PCGF6: variants seen among roughly 807,000 people sequenced by gnomAD.
The protein encoded by PCGF6 is polycomb group RING finger protein 6.
PCGF6 carries 24 observed loss-of-function variants against 45.5 expected under a neutral mutation model. The observed-to-expected ratio is 0.53, with a 90% CI of 0.38 to 0.74. The LOEUF (loss-of-function observed/expected upper bound fraction) is 0.74. PCGF6 is among the 30% of genes least tolerant of loss of function. The pLI, the probability that PCGF6 is intolerant of heterozygous loss-of-function variation, is 0.00. For synonymous variants in PCGF6, 152 were observed against 162.1 expected (o/e 0.94, Z 0.47); for missense variants, 356 against 443.2 (o/e 0.80, Z 1.77).
At position 103,337,987 on chromosome 10, in the gene PCGF6, CCGGGAGGCGGAG is replaced by C. The variant is rs1354459899; in HGVS notation, c.783-4047_783-4036del. On this transcript the variant is annotated intron_variant, in intron 6 of 9. Coordinates refer to ENST00000369847, the MANE Select transcript of PCGF6 (RefSeq NM_001011663.2). ...GCTGAGGCAGGAGAATGGCGTGAAC[CCGGGAGGCGGAG>C]CTTGCAGTGAGCCGAGATCCCGCCA... Among the ~76,000 whole-genome samples, 21 of 56,878 alleles carry C rather than the reference CCGGGAGGCGGAG, an allele frequency of 3.7e-4. 9 individuals are homozygous for C. The highest frequency in any genetic ancestry group is 5.9e-4 in the Non-Finnish European group (15 of 25,572). The allele number at this position is 56,878 out of a possible 152,430, so 37.3% of individuals were successfully genotyped here. A position where few individuals can be genotyped will look rare whatever the true frequency, so the allele number is the denominator to read the frequency against.
rs368134765 is a variant in PCGF6 at position 103,326,521 on chromosome 10, A to G, written c.909+13T>C. 1.3e-4 allele frequency: 200 copies of G among 1,570,860 alleles called. No individual in the cohort carries two copies. The highest frequency in any genetic ancestry group is 1.6e-4 in the Non-Finnish European group (188 of 1,151,732). On this transcript the variant is annotated intron_variant, in intron 8 of 9. Coordinates refer to ENST00000369847, the MANE Select transcript of PCGF6 (RefSeq NM_001011663.2). ...CACAACTTTACCTATTCTTTTACAT[A>G]TATGTACTGTACCTGACAAGCTGGA... is the stretch of plus-strand genomic sequence containing the variant.
intron 9 of PCGF6, among the ~76,000 whole-genome samples, chr10:103,308,692 T>TCTCTACAA (rs1233580551): frequency 1.3e-5 from 2 of 151,806 alleles, no homozygotes; most frequent in African/African-American, 4.8e-5. Flanking sequence ...GGCAACATGG[T>TCTCTACAA]AAAACCCCAT....
intron 9 of PCGF6, 64 bp downstream of exon 9, chr10:103,314,122 T>G: frequency 2.1e-6 from 2 of 932,896 alleles, no homozygotes; most frequent in African/African-American, 1.7e-5. Context: ...GAAAACTTAC[T>G]GATAACATGG....
chr10:103,341,927 A>C (rs937527236), intron 6 of PCGF6, among the ~76,000 whole-genome samples: 2 of 151,586 alleles, frequency 1.3e-5, no homozygotes, highest in African/African-American at 2.4e-5. Flanking sequence ...TCCTAGGGGC[A>C]CTGCCATTAA....
chr10:103,305,597 C>T lies in PCGF6; in HGVS notation c.997-1636G>A, dbSNP rs537426098. ...TAGACTTCTTAATAGACTATTTAAG[C>T]ATTAGATTCTCCTAAAAAAGACTCA... On this transcript the variant is annotated intron_variant, in intron 9 of 9. Transcript: ENST00000369847. 5.9e-5 allele frequency among the ~76,000 whole-genome samples: 9 copies of T among 152,090 alleles called. No homozygotes were observed. In the South Asian group the frequency reaches 1.9e-3, roughly 32 times the overall value.
chr10:103,331,415 G>A (rs1420381579), intron 7 of PCGF6, among the ~76,000 whole-genome samples: 5 of 151,972 alleles, frequency 3.3e-5, no homozygotes, highest in Admixed American at 6.6e-5. Flanking sequence ...CCACCACCAC[G>A]CCTGGCTAAT....
intron 6 of PCGF6, among the ~76,000 whole-genome samples, chr10:103,344,396 C>T (rs1323336635): frequency 2.6e-5 from 4 of 151,912 alleles, no homozygotes; most frequent in East Asian, 1.9e-4. Context: ...CTCAGCCTCC[C>T]GAGTAGCTGG....
At position 103,326,551 on chromosome 10, in the gene PCGF6, G is replaced by C; in HGVS notation, c.892C>G (p.Leu298Val). ...TACTGTACCTGACAAGCTGGATCAA[G>C]ACCCATTTTTCTTCTGAGGAATTTT... is the stretch of plus-strand genomic sequence containing the variant. The part of the protein sequence containing the change: ...VEKFLRRKMG[L>V]DPACQVDIIC... The change falls in exon 8 of 10, where the codon CTT becomes GTT. Residue 298 changes from leucine (L) to valine (V), a missense_variant. Leu to Val is a conservative substitution (Grantham distance 32). This residue lies in a region of PCGF6 where 49 missense variants were observed against 93.0 expected (regional missense o/e 0.53). Coordinates refer to ENST00000369847, the MANE Select transcript of PCGF6 (RefSeq NM_001011663.2). 6.2e-7 allele frequency: 1 copy of C among 1,611,210 alleles called. No individual in the cohort carries two copies. The highest frequency in any genetic ancestry group is 8.5e-7 in the Non-Finnish European group (1 of 1,179,220).
chr10:103,328,553 T>G (rs957597011), intron 7 of PCGF6, among the ~76,000 whole-genome samples: 2 of 152,168 alleles, frequency 1.3e-5, no homozygotes, highest in Non-Finnish European at 2.9e-5. Flanking sequence ...GTTCCTGAAC[T>G]TGTCTGTGTC....
intron 7 of PCGF6, among the ~76,000 whole-genome samples, chr10:103,333,104 G>A (rs563507928): frequency 6.9e-6 from 1 of 144,334 alleles, no homozygotes; most frequent in South Asian, 2.2e-4. Context: ...GGGCAACAGA[G>A]GAAGACTCCA....
intron 6 of PCGF6, among the ~76,000 whole-genome samples, chr10:103,336,229 G>A (rs543880446): frequency 3.4e-4 from 51 of 148,602 alleles, no homozygotes; most frequent in East Asian, 2.6e-3. Context: ...GTGAGACTGC[G>A]TCTCCAAAAA....
chr10:103,350,870 G>A lies in PCGF6; in HGVS notation c.197C>T (p.Pro66Leu), dbSNP rs1303903766. ...TCTGAAGCGGCCCAGGCTGCGCTCCGGCTCCAGCTCAGGGGGCCGGGAGCC... is the reference window on the plus strand; with the variant it reads ...TCTGAAGCGGCCCAGGCTGCGCTCCAGCTCCAGCTCAGGGGGCCGGGAGCC... Reference protein sequence around the residue: ...CSGSRPPELEPERSLGRFRGR... With the variant: ...CSGSRPPELELERSLGRFRGR... Residue 66 changes from proline to leucine, a missense_variant, in exon 1 of 10, where the codon CCG becomes CTG. This residue lies in a region of PCGF6 where 307 missense variants were observed against 350.1 expected (regional missense o/e 0.88). Coordinates refer to ENST00000369847, the MANE Select transcript of PCGF6 (RefSeq NM_001011663.2). The A allele has an allele frequency of 1.3e-6, 2 of 1,538,504 alleles. No individual in the cohort carries two copies. The highest frequency in any genetic ancestry group is 4.0e-5 in the Admixed American group (2 of 50,316).
intron 1 of PCGF6, among the ~76,000 whole-genome samples, chr10:103,350,114 G>T (rs1230264212): frequency 3.4e-5 from 5 of 146,738 alleles, no homozygotes; most frequent in Non-Finnish European, 7.7e-5. Flanking sequence ...AAAACAAAAG[G>T]ATCTTTACTG....
intron 5 of PCGF6, among the ~76,000 whole-genome samples, chr10:103,346,724 G>A (rs1024397574): frequency 6.6e-6 from 1 of 152,204 alleles, no homozygotes; most frequent in Non-Finnish European, 1.5e-5. Context: ...AAACCCAGAA[G>A]GTGGAGGTTG....
At chr10:103,339,030 G>A (rs905529049) in intron 6 of PCGF6, among the ~76,000 whole-genome samples, 1 of 152,124 alleles carries the variant, frequency 6.6e-6, no homozygotes, top group Admixed American at 6.6e-5. Flanking sequence ...GCTTCCATCA[G>A]ACTAAAACTC....
chr10:103,329,674 T>C (rs892801186), intron 7 of PCGF6, among the ~76,000 whole-genome samples: 2 of 151,714 alleles, frequency 1.3e-5, no homozygotes, highest in Non-Finnish European at 2.9e-5. Flanking sequence ...GGTTTCACCA[T>C]GTTGGCCAGG....
At chr10:103,303,988 T>C (rs539567818) in intron 9 of PCGF6, 27 bp from the exon 10 acceptor site, 310 of 1,593,318 alleles carry the variant, frequency 1.9e-4, no homozygotes, top group Non-Finnish European at 2.6e-4. Context: ...AAAAGACGAT[T>C]TTGCAGTTCT....
intron 9 of PCGF6, among the ~76,000 whole-genome samples, chr10:103,308,889 T>C (rs2093146863): frequency 6.6e-6 from 1 of 151,670 alleles, no homozygotes; most frequent in Non-Finnish European, 1.5e-5. Context: ...AATAAATAAA[T>C]AAATAAAAAT....
intron 6 of PCGF6, among the ~76,000 whole-genome samples, chr10:103,339,813 ACACACACACACACAC>A (rs2093273126): frequency 1.1e-3 from 19 of 16,940 alleles, no homozygotes; most frequent in East Asian, 4.4e-3. Context: ...AAAAAAAAAC[ACACACACACACACAC>A]ACACACACAC....
Sources: gnomAD v4.1 joint callset for allele counts (sites outside exome capture counted in the v4.1 genomes callset) on GRCh38, gnomAD v4.1.1 for gene constraint, gnomAD v4.1.1 regional missense constraint, MANE v1.5 for transcripts, NCBI Gene and HGNC (gene_info 2026-07-23, HGNC 2026-07-21) for gene names.